The following ADAM9 variants were observed in gnomAD, a reference collection of about 807,000 sequenced individuals.
ADAM9 encodes ADAM metallopeptidase domain 9, also known as disintegrin and metalloproteinase domain-containing protein 9.
Under a neutral mutation model 108.1 loss-of-function variants are expected in ADAM9, and 54 were observed. The observed-to-expected ratio is 0.50, with a 90% CI of 0.40 to 0.63. The LOEUF is 0.63. Ranked by LOEUF, ADAM9 falls within the 20% of genes least tolerant of loss-of-function variation. The pLI, the probability that ADAM9 is intolerant of heterozygous loss-of-function variation, is 0.00. For synonymous variants in ADAM9, 316 were observed against 336.0 expected (o/e 0.94, Z 0.65); for missense variants, 830 against 997.7 (o/e 0.83, Z 2.26).
intron 12 of ADAM9, among the ~76,000 whole-genome samples, chr8:39,051,557 A>G (rs940230516): frequency 3.3e-5 from 5 of 152,220 alleles, no homozygotes; most frequent in African/African-American, 1.2e-4. Context: ...GTATATACAC[A>G]TGGGGAGTGT....
intron 18 of ADAM9, among the ~76,000 whole-genome samples, chr8:39,089,279 A>G (rs1429053773): frequency 6.6e-6 from 1 of 152,150 alleles, no homozygotes; most frequent in Non-Finnish European, 1.5e-5. Context: ...TTATCAACTC[A>G]TAGTATAAAA....
intron 12 of ADAM9, among the ~76,000 whole-genome samples, chr8:39,042,761 G>C (rs947023731): frequency 1.3e-5 from 2 of 152,104 alleles, no homozygotes; most frequent in African/African-American, 4.8e-5. Flanking sequence ...CTTTAATGTG[G>C]TAAGAATACT....
At chr8:39,046,882 C>T (rs1837792667) in intron 12 of ADAM9, among the ~76,000 whole-genome samples, 1 of 152,044 alleles carries the variant, frequency 6.6e-6, no homozygotes, top group Non-Finnish European at 1.5e-5. Context: ...GATCCTCGTG[C>T]CTCAGCCTCT....
At position 39,042,136 on chromosome 8, in the gene ADAM9, T is replaced by C. The variant is rs1837473839; in HGVS notation, c.1302+19T>C. On this transcript the variant is annotated intron_variant, in intron 12 of 21. Coordinates refer to ENST00000487273, the MANE Select transcript of ADAM9 (RefSeq NM_003816.3). ...TCCAAAGGTCAGTTTAATTTTTGAC[T>C]TTTGCCTTGTAAAATTGCCATGATA... is the stretch of plus-strand genomic sequence containing the variant. 1 of 1,613,700 alleles carries C rather than the reference T, an allele frequency of 6.2e-7. No individual in the cohort carries two copies. The highest frequency in any genetic ancestry group is 1.1e-5 in the South Asian group (1 of 91,078).
intron 12 of ADAM9, among the ~76,000 whole-genome samples, chr8:39,045,476 A>G (rs545946054): frequency 2.0e-5 from 3 of 151,370 alleles, no homozygotes; most frequent in East Asian, 2.0e-4. Context: ...GTGTGTACAC[A>G]CACCTATATG....
At chr8:39,068,565 C>T (rs1437336054) in intron 14 of ADAM9, among the ~76,000 whole-genome samples, 1 of 151,246 alleles carries the variant, frequency 6.6e-6, no homozygotes, top group African/African-American at 2.4e-5. Context: ...ATCCCAGCTA[C>T]TCAGGAGGCT....
intron 2 of ADAM9, among the ~76,000 whole-genome samples, chr8:39,011,092 C>CAA (rs34155093): frequency 3.1e-3 from 226 of 72,942 alleles, no homozygotes; most frequent in African/African-American, 9.6e-3. Context: ...GACTCCATCT[C>CAA]AAAAAAAAAA....
At chr8:39,071,557 C>T (rs962102755) in intron 15 of ADAM9, among the ~76,000 whole-genome samples, 154 bp downstream of exon 15, 1 of 151,376 alleles carries the variant, frequency 6.6e-6, no homozygotes, top group Non-Finnish European at 1.5e-5. Flanking sequence ...CCCTCCGCCT[C>T]CCAGGTTCAA....
Position 39,004,864 on chromosome 8 carries a change from G to T in ADAM9, c.98-3022G>T, listed in dbSNP as rs115517073. ...ATAATGAGCAGTGAGGACGACCAGA[G>T]GTCACTTTCCTCGCAGTCTTGGTTT... On this transcript the variant is annotated intron_variant, in intron 1 of 21. Transcript: ENST00000487273. Among the ~76,000 whole-genome samples the T allele has an allele frequency of 2.8e-3, 429 of 152,292 alleles. 1 individual carries two copies. The highest frequency in any genetic ancestry group is 9.8e-3 in the African/African-American group (409 of 41,558).
intron 1 of ADAM9, 136 bp from the exon 2 acceptor site, chr8:39,007,750 T>C: frequency 1.5e-6 from 1 of 657,692 alleles, no homozygotes; most frequent in Non-Finnish European, 2.7e-6. Context: ...TATGAGTACT[T>C]TTATTATATG....
chr8:39,017,437 C>T (rs1191828975), intron 6 of ADAM9, 23 bp downstream of exon 6: 1 of 1,604,366 alleles, frequency 6.2e-7, no homozygotes, highest in Non-Finnish European at 8.5e-7. Context: ...CATAATTCTT[C>T]ATGGCTCAGA....
chr8:39,087,195 G>C (rs1588426608), intron 18 of ADAM9, among the ~76,000 whole-genome samples: 1 of 152,134 alleles, frequency 6.6e-6, no homozygotes, highest in Non-Finnish European at 1.5e-5. Flanking sequence ...CCGAGTGTCT[G>C]TTAACTTTCT....
At chr8:39,013,452 A>C (rs904416344) in intron 3 of ADAM9, among the ~76,000 whole-genome samples, 1 of 151,768 alleles carries the variant, frequency 6.6e-6, no homozygotes, top group African/African-American at 2.4e-5. Context: ...ATTTATGAAT[A>C]AGTAATGTAC....
chr8:39,044,418 C>G lies in ADAM9; in HGVS notation c.1302+2301C>G, dbSNP rs377166839. ...ATGTGTGGGTTTTTATTTCTGCATT[C>G]TTTATTCTGTTCCATTGGTCTATAT... On this transcript the variant is annotated intron_variant, in intron 12 of 21. Transcript: ENST00000487273. Among the ~76,000 whole-genome samples, 241 of 152,172 alleles carry G rather than the reference C, an allele frequency of 1.6e-3. 3 individuals carry two copies. In the Middle Eastern group the frequency reaches 0.024, roughly 15 times the overall value.
chr8:39,030,461 C>T (rs529599635), intron 11 of ADAM9, among the ~76,000 whole-genome samples: 1 of 152,212 alleles, frequency 6.6e-6, no homozygotes, highest in African/African-American at 2.4e-5. Flanking sequence ...AATAATAACC[C>T]ATTGTTTGGA....
chr8:39,104,118 A>G lies in ADAM9; in HGVS notation c.*418A>G, dbSNP rs1176900465. 8 of 455,894 alleles carry G rather than the reference A, an allele frequency of 1.8e-5. No individual in the cohort carries two copies. The highest frequency in any genetic ancestry group is 3.1e-5 in the Non-Finnish European group (7 of 228,108). 28.2% of individuals were successfully genotyped at this position (455,894 alleles called of 1,614,324 possible). ...TTCCTCATTGAACATGTGATAATCT[A>G]ATACCTGTGAAAACTGACTAATCAG... On this transcript the variant is annotated 3_prime_UTR_variant, in exon 22 of 22. Transcript: ENST00000487273.
intron 14 of ADAM9, among the ~76,000 whole-genome samples, chr8:39,070,047 G>A (rs191688134): frequency 3.9e-4 from 58 of 148,506 alleles, no homozygotes; most frequent in African/African-American, 1.4e-3. Context: ...CATCTACTTA[G>A]GAGGCTAAGG....
intron 2 of ADAM9, among the ~76,000 whole-genome samples, chr8:39,010,595 C>G (rs193020021): frequency 3.3e-5 from 5 of 152,210 alleles, no homozygotes; most frequent in African/African-American, 1.2e-4. Flanking sequence ...AGAGTTAAGG[C>G]GAAGTCACAT....
chr8:39,026,657 T>A lies in ADAM9; in HGVS notation c.997-20T>A. ...TCTTTGCGTTCAGAAACCTAATTAC[T>A]ACCTTCCTGTTCTGAACAGTTTGGA... On this transcript the variant is annotated intron_variant, in intron 10 of 21. Transcript: ENST00000487273. 6.2e-7 allele frequency: 1 copy of A among 1,614,054 alleles called. No individual in the cohort carries two copies. Among genetic ancestry groups the A allele is most frequent in the Non-Finnish European group, 8.5e-7 (1 of 1,179,968 alleles).
Sources: allele counts gnomAD v4.1 joint callset (sites outside exome capture counted in the v4.1 genomes callset), GRCh38; gene constraint gnomAD v4.1.1; transcripts MANE v1.5; gene names NCBI Gene and HGNC (gene_info 2026-07-23, HGNC 2026-07-21).